ZNF345: variants seen among roughly 807,000 people sequenced by gnomAD.
ZNF345 encodes zinc finger protein 345.
For synonymous variants in ZNF345, 166 were observed against 187.9 expected (o/e 0.88, Z 0.95); for missense variants, 527 against 589.9 (o/e 0.89, Z 1.10).
chr19:36,876,713 G>A (rs1206648363), intron 2 of ZNF345, 72 bp from the exon 3 acceptor site: 17 of 1,002,032 alleles, frequency 1.7e-5, no homozygotes, highest in African/African-American at 4.9e-5. Flanking sequence ...TAAGTCTTTC[G>A]TATCTATTAT....
At chr19:36,883,522 C>G (rs971576745), downstream of ZNF345, among the ~76,000 whole-genome samples, 2 of 152,196 alleles carry the variant, frequency 1.3e-5, no homozygotes, top group African/African-American at 4.8e-5. Flanking sequence ...ATATAAAATA[C>G]TGGTGGCAAT....
intron 3 of ZNF345, chr19:36,889,708 G>T (rs1188746330): frequency 6.6e-6 from 1 of 151,774 alleles, no homozygotes; most frequent in African/African-American, 2.4e-5. Flanking sequence ...TTTTATCTTT[G>T]CAAAGAACCA....
In ZNF345 at chr19:36,878,164, A is replaced by G. The variant is rs1338051231; in HGVS notation, c.1334A>G (p.Gln445Arg). 4 of 1,614,192 alleles carry G rather than the reference A, an allele frequency of 2.5e-6. No homozygotes were observed. In the South Asian group the frequency reaches 4.4e-5, roughly 18 times the overall value. Residue 445 changes from glutamine (Q) to arginine (R), a missense_variant, in exon 3 of 3, where the codon CAG becomes CGG. Transcript: ENST00000420450. ...AGTGGCTCAAGCCTTACTCAGCATC[A>G]GAGAATTCATACAGGTGAGAAACTT... is the stretch of plus-strand genomic sequence containing the variant. ...FYSGSSLTQHQRIHTGEKLYE... is the reference protein window; with the variant it reads ...FYSGSSLTQHRRIHTGEKLYE...
chr19:36,876,915 G>A lies in ZNF345; in HGVS notation c.85G>A (p.Gly29Arg), dbSNP rs369968952. The A allele has an allele frequency of 2.5e-6, 4 of 1,613,890 alleles. No individual in the cohort carries two copies. The African/African-American group carries it at 5.3e-5, about 22-fold the overall frequency. Reference protein sequence around the residue: ...ECKNQFERKQGSQEGHFSEMI... With the variant: ...ECKNQFERKQRSQEGHFSEMI... ...TAAAAACCAGTTTGAGAGAAAACAGGGATCTCAGGAAGGACATTTCAGTGA... is the reference window on the plus strand; with the variant it reads ...TAAAAACCAGTTTGAGAGAAAACAGAGATCTCAGGAAGGACATTTCAGTGA... Residue 29 changes from glycine to arginine, a missense_variant, in exon 3 of 3, where the codon GGA becomes AGA. By Grantham distance (125) the Gly-to-Arg change is moderately radical. Coordinates refer to ENST00000420450, the MANE Select transcript of ZNF345 (RefSeq NM_001242472.2).
chr19:36,857,408 G>A (rs1600690904), intron 2 of ZNF345, among the ~76,000 whole-genome samples: 3 of 152,130 alleles, frequency 2.0e-5, no homozygotes, highest in African/African-American at 4.8e-5. Flanking sequence ...CTGGGTTCAC[G>A]CCATTCTCCT....
At chr19:36,875,067 G>A (rs2072854968) in intron 2 of ZNF345, among the ~76,000 whole-genome samples, 1 of 151,894 alleles carries the variant, frequency 6.6e-6, no homozygotes, top group Non-Finnish European at 1.5e-5. Context: ...TTTTTTGCAT[G>A]TACCAGAGTT....
chr19:36,857,215 T>C (rs901232025), intron 2 of ZNF345, among the ~76,000 whole-genome samples: 1 of 152,096 alleles, frequency 6.6e-6, no homozygotes, highest in African/African-American at 2.4e-5. Flanking sequence ...ACCATCTACT[T>C]TGGCCAAATG....
intron 2 of ZNF345, among the ~76,000 whole-genome samples, chr19:36,869,654 C>A (rs2072734027): frequency 6.6e-6 from 1 of 152,110 alleles, no homozygotes; most frequent in Non-Finnish European, 1.5e-5. Flanking sequence ...GCTAGGAACC[C>A]TAGGACAAAG....
Position 36,877,186 on chromosome 19 carries a change from A to T in ZNF345, c.356A>T (p.Glu119Val), listed in dbSNP as rs1409120111. 2.5e-6 allele frequency: 4 copies of T among 1,613,984 alleles called. No homozygotes were observed. The highest frequency in any genetic ancestry group is 1.3e-5 in the African/African-American group (1 of 74,986). ...ATTCATACTGGTGAGAAGCCTTTTG[A>T]ATGTAAAGAATGTGGGAAGGCCTTT... is the stretch of plus-strand genomic sequence containing the variant. ...QRIHTGEKPF[E>V]CKECGKAFGS... The change falls in exon 3 of 3, where the codon GAA becomes GTA. Residue 119 changes from glutamate to valine, a missense_variant. Physicochemically the swap from Glu to Val is moderately radical, Grantham distance 121. Transcript: ENST00000420450.
chr19:36,851,608 C>A (rs2072267739), intron 1 of ZNF345: 1 of 152,270 alleles, frequency 6.6e-6, no homozygotes. Flanking sequence ...GTGACTTCAG[C>A]CATTGGAGAC....
At chr19:36,891,563 A>G (rs1345798252) in intron 3 of ZNF345, 11 of 1,610,968 alleles carry the variant, frequency 6.8e-6, no homozygotes, top group East Asian at 2.2e-5. Flanking sequence ...CATTCCTTAC[A>G]GTCATAGGGT....
chr19:36,854,913 G>C (rs1353229512), intron 2 of ZNF345, among the ~76,000 whole-genome samples: 3 of 149,730 alleles, frequency 2.0e-5, no homozygotes, highest in Admixed American at 6.6e-5. Flanking sequence ...GAGTGCAGTG[G>C]TGCAATCTCG....
At position 36,878,360 on chromosome 19, in the gene ZNF345, C is replaced by T. The variant is rs1270525652; in HGVS notation, c.*63C>T. The T allele has an allele frequency of 3.4e-6, 5 of 1,467,780 alleles. No individual in the cohort carries two copies. The African/African-American group carries it at 5.7e-5, about 17-fold the overall frequency. The allele number at this position is 1,467,780 out of a possible 1,614,324, so 90.9% of individuals were successfully genotyped here. On this transcript the variant is annotated 3_prime_UTR_variant, in exon 3 of 3. Transcript: ENST00000420450. ...TAAGAAAATTCATAGTGGTGAAAAT[C>T]TCTACAAATAGAACTAAGGTACAAA...
intron 2 of ZNF345, among the ~76,000 whole-genome samples, chr19:36,873,007 A>G (rs1235762362): frequency 1.3e-5 from 2 of 152,134 alleles, no homozygotes; most frequent in Non-Finnish European, 2.9e-5. Flanking sequence ...TCTTCTCAGT[A>G]GACGTTGGAC....
At chr19:36,862,143 G>A (rs2072561508) in intron 2 of ZNF345, among the ~76,000 whole-genome samples, 1 of 152,136 alleles carries the variant, frequency 6.6e-6, no homozygotes, top group Non-Finnish European at 1.5e-5. Context: ...TTACAGGCAT[G>A]AGCCACTGCA....
At chr19:36,892,564 T>A in intron 3 of ZNF345, 1 of 1,313,244 alleles carries the variant, frequency 7.6e-7, no homozygotes, top group Non-Finnish European at 1.0e-6. Context: ...GAAAAGAATA[T>A]CTGAGAAATT....
rs2072887750 is a variant in ZNF345 at position 36,876,719 on chromosome 19, A to C, written c.-46-66A>C. On this transcript the variant is annotated intron_variant, in intron 2 of 2. Coordinates refer to ENST00000420450, the MANE Select transcript of ZNF345 (RefSeq NM_001242472.2). ...AATTGTAGTTAAGTCTTTCGTATCT[A>C]TTATAAACGTTTAATCTCTCCCAGA... The C allele has an allele frequency of 1.0e-5, 11 of 1,075,954 alleles. No individual in the cohort carries two copies. The South Asian group carries it at 1.8e-4, about 18-fold the overall frequency. The allele number at this position is 1,075,954 out of a possible 1,614,324, so 66.7% of individuals were successfully genotyped here.
At chr19:36,882,358 C>G (rs2072973930), downstream of ZNF345, among the ~76,000 whole-genome samples, 1 of 152,046 alleles carries the variant, frequency 6.6e-6, no homozygotes, top group African/African-American at 2.4e-5. Context: ...ACCTCCGCCT[C>G]CCAGGTTCAA....
downstream of ZNF345, among the ~76,000 whole-genome samples, chr19:36,881,453 T>A (rs570523505): frequency 2.0e-5 from 3 of 152,208 alleles, no homozygotes; most frequent in East Asian, 5.8e-4. Flanking sequence ...TAGAAATGGG[T>A]ATTATATAAG....
Sources: allele counts gnomAD v4.1 joint callset (sites outside exome capture counted in the v4.1 genomes callset), GRCh38; gene constraint gnomAD v4.1.1; transcripts MANE v1.5; gene names NCBI Gene and HGNC (gene_info 2026-07-23, HGNC 2026-07-21).